Variants in THBS2 observed in about 807,000 individuals in gnomAD.
The protein encoded by THBS2 is thrombospondin-2.
Under a neutral mutation model 135.2 loss-of-function variants are expected in THBS2, and 47 were observed. The observed-to-expected ratio is 0.35, with a 90% CI of 0.28 to 0.44. THBS2 has a LOEUF of 0.44. THBS2 is among the 20% of genes least tolerant of loss of function. The pLI is 1.00. For synonymous variants in THBS2, 639 were observed against 633.8 expected (o/e 1.01, Z -0.12); for missense variants, 1,288 against 1,603.1 (o/e 0.80, Z 3.36).
chr6:169,239,507 C>T (rs1780217085), intron 7 of THBS2, 92 bp downstream of exon 7: 1 of 1,264,420 alleles, frequency 7.9e-7, no homozygotes, highest in Non-Finnish European at 1.1e-6. Context: ...GAACCTCACT[C>T]TTCTCTGCCA....
chr6:169,226,225 C>T lies in THBS2; in HGVS notation c.2493G>A (p.Val831=). 6.2e-7 allele frequency: 1 copy of T among 1,614,178 alleles called. No individual in the cohort carries two copies. The highest frequency in any genetic ancestry group is 8.5e-7 in the Non-Finnish European group (1 of 1,180,010). Reference sequence around the variant, plus strand: ...GGGGGCAGTTGTCACAGTGATCCCCCACACCGTCACCATCCGTGTCCCTCT... The same window carrying T: ...GGGGGCAGTTGTCACAGTGATCCCCTACACCGTCACCATCCGTGTCCCTCT... The part of the protein sequence containing the change: ...TDQRDTDGDG[V]GDHCDNCPLV... Residue 831 remains valine (V), a synonymous_variant, in exon 16 of 22, where the codon GTG becomes GTA. Coordinates refer to ENST00000617924, the MANE Select transcript of THBS2 (RefSeq NM_003247.5).
chr6:169,241,150 G>GC lies in THBS2; in HGVS notation c.892-559dup, dbSNP rs1229103246. 6.6e-6 allele frequency among the ~76,000 whole-genome samples: 1 copy of GC among 151,614 alleles called. No homozygotes were observed. Among genetic ancestry groups the GC allele is most frequent in the Non-Finnish European group, 1.5e-5 (1 of 67,870 alleles). On this transcript the variant is annotated intron_variant, in intron 5 of 21. Transcript: ENST00000617924. The surrounding 1 kb of genome is among the most constrained non-coding windows in gnomAD (Gnocchi z 5.5). ...GCCCTCTGGGTACGAGTGACAGTCA[G>GC]CATCACTGCACCCTGGTTAGCCATG...
At chr6:169,230,250 A>G (rs1448072566) in intron 13 of THBS2, among the ~76,000 whole-genome samples, 1 of 152,204 alleles carries the variant, frequency 6.6e-6, no homozygotes, top group African/African-American at 2.4e-5. Context: ...GTCCAGTTAT[A>G]CCATAATTTA....
intron 6 of THBS2, among the ~76,000 whole-genome samples, 188 bp downstream of exon 6, chr6:169,240,264 A>C (rs1273482375): frequency 6.6e-6 from 1 of 152,110 alleles, no homozygotes; most frequent in Non-Finnish European, 1.5e-5. Flanking sequence ...TTTATGTGCA[A>C]ACAAAGAGGT....
intron 9 of THBS2, 79 bp downstream of exon 9, chr6:169,237,084 CCCCGGAT>C: frequency 6.8e-7 from 1 of 1,469,160 alleles, no homozygotes; most frequent in Non-Finnish European, 9.1e-7. Context: ...GGCCCTGACA[CCCCGGAT>C]CCCGGCTCCA....
rs148981005 is a variant in THBS2, at chr6:169,246,219, C to T, written c.672G>A (p.Lys224=). 4 of 1,613,840 alleles carry T rather than the reference C, an allele frequency of 2.5e-6. No homozygotes were observed. The highest frequency in any genetic ancestry group is 3.4e-6 in the Non-Finnish European group (4 of 1,180,006). The change falls in exon 4 of 22, where the codon AAG becomes AAA. Residue 224 remains lysine (K), a synonymous_variant. Transcript: ENST00000617924. ...TACCTCCCTGGCCTTGCTGGCAACC[C>T]TTCTTGCTTAGAATATCTTCCACAG... ...ENSVEDILSK[K]GCQQGQGAEI...
chr6:169,221,205 C>T (rs1442270710), intron 20 of THBS2, among the ~76,000 whole-genome samples: 1 of 152,138 alleles, frequency 6.6e-6, no homozygotes, highest in Non-Finnish European at 1.5e-5. Flanking sequence ...TGGTTATCAT[C>T]CCAAAACAAA....
chr6:169,235,133 C>T (rs1779988943), intron 9 of THBS2, among the ~76,000 whole-genome samples: 1 of 152,160 alleles, frequency 6.6e-6, no homozygotes, highest in South Asian at 2.1e-4. Flanking sequence ...TTTCCAATGG[C>T]TTTGCTGCGA....
rs1406210471 is a variant in THBS2 at position 169,240,446 on chromosome 6, C to T, written c.1032+6G>A. On this transcript the variant is annotated splice_donor_region_variant and intron_variant, in intron 6 of 21. Coordinates refer to ENST00000617924, the MANE Select transcript of THBS2 (RefSeq NM_003247.5). ...TTCCCCCAAGAGCCGTGTTCTGGGG[C>T]CTCACCTTGCAGGTACACGTGGTGC... The T allele has an allele frequency of 6.2e-7, 1 of 1,612,896 alleles. No individual in the cohort carries two copies. Among genetic ancestry groups the T allele is most frequent in the Non-Finnish European group, 8.5e-7 (1 of 1,179,800 alleles).
intron 4 of THBS2, 60 bp from the exon 5 acceptor site, chr6:169,242,018 T>C (rs920456482): frequency 1.3e-5 from 20 of 1,541,716 alleles, no homozygotes; most frequent in Middle Eastern, 1.8e-4. Flanking sequence ...CAGCAGGGGC[T>C]GGGAACAGAG....
intron 17 of THBS2, 69 bp from the exon 18 acceptor site, chr6:169,223,544 C>T: frequency 7.2e-7 from 1 of 1,396,000 alleles, no homozygotes; most frequent in Non-Finnish European, 1.0e-6. Context: ...GGTGGTTTGC[C>T]ATTTGCTTTT....
chr6:169,237,408 G>A (rs554397627), intron 8 of THBS2, 62 bp from the exon 9 acceptor site: 16 of 1,595,084 alleles, frequency 1.0e-5, no homozygotes, highest in South Asian at 5.5e-5. Context: ...GCCTGTAAGC[G>A]GTGTGCCTTA....
chr6:169,218,935 G>A (rs1779306918), intron 21 of THBS2, among the ~76,000 whole-genome samples: 1 of 149,996 alleles, frequency 6.7e-6, no homozygotes, highest in South Asian at 2.1e-4. Flanking sequence ...GGATGAGTAG[G>A]TGGGTGGATG....
At chr6:169,222,148 A>C in intron 19 of THBS2, 49 bp downstream of exon 19, 1 of 1,538,972 alleles carries the variant, frequency 6.5e-7, no homozygotes, top group Non-Finnish European at 8.7e-7. Context: ...AACACTCTGC[A>C]GCCACAGTGG....
At chr6:169,236,315 C>T (rs1367318345) in intron 9 of THBS2, among the ~76,000 whole-genome samples, 2 of 118,498 alleles carry the variant, frequency 1.7e-5, no homozygotes, top group African/African-American at 6.2e-5. Flanking sequence ...CACTCCCCAT[C>T]CACACTCACT....
Position 169,241,696 on chromosome 6 carries a change from T to C in THBS2, c.891+66A>G. 6.7e-7 allele frequency: 1 copy of C among 1,497,558 alleles called. No individual in the cohort carries two copies. The highest frequency in any genetic ancestry group is 1.4e-5 in the African/African-American group (1 of 72,694). 92.8% of individuals were successfully genotyped at this position (1,497,558 alleles called of 1,614,324 possible). On this transcript the variant is annotated intron_variant, in intron 5 of 21. Coordinates refer to ENST00000617924, the MANE Select transcript of THBS2 (RefSeq NM_003247.5). This position sits in a 1 kb window ranked among gnomAD's most constrained non-coding sequence, Gnocchi z 5.5. ...CAAGCCAGGGAATGTTGATACCTGCTGAGATGGGCCAGCGGCGGAGCTGCC... is the reference window on the plus strand; with the variant it reads ...CAAGCCAGGGAATGTTGATACCTGCCGAGATGGGCCAGCGGCGGAGCTGCC...
Position 169,232,872 on chromosome 6 carries a change from C to G in THBS2, c.1779+18G>C. On this transcript the variant is annotated intron_variant, in intron 11 of 21. Coordinates refer to ENST00000617924, the MANE Select transcript of THBS2 (RefSeq NM_003247.5). The stretch of plus-strand genomic sequence containing the variant: ...TCCCGACCTCAGGGCGCCCACAGCC[C>G]AGGGCGGGGTCACCCACCTCGTCCA... The G allele has an allele frequency of 1.9e-6, 3 of 1,604,390 alleles. No homozygotes were observed. Among genetic ancestry groups the G allele is most frequent in the Non-Finnish European group, 2.6e-6 (3 of 1,174,892 alleles).
chr6:169,247,295 T>A (rs1440636744), intron 3 of THBS2, among the ~76,000 whole-genome samples: 1 of 152,182 alleles, frequency 6.6e-6, no homozygotes, highest in Non-Finnish European at 1.5e-5. Flanking sequence ...TGAGTGCCTG[T>A]GTGAAAGTAC....
In THBS2 at chr6:169,217,640, G is replaced by A. The variant is rs1466817198; in HGVS notation, c.*182C>T. ...TAGATGTTCATCTCTGAGTTCCATT[G>A]ATATTTATCCTCTGAAGGCACTTGG... is the stretch of plus-strand genomic sequence containing the variant. On this transcript the variant is annotated 3_prime_UTR_variant, in exon 22 of 22. Coordinates refer to ENST00000617924, the MANE Select transcript of THBS2 (RefSeq NM_003247.5). The A allele has an allele frequency of 3.5e-6, 2 of 564,982 alleles. No homozygotes were observed. Among genetic ancestry groups the A allele is most frequent in the East Asian group, 6.1e-5 (2 of 32,760 alleles). The allele number at this position is 564,982 out of a possible 1,614,324, so 35.0% of individuals were successfully genotyped here. A position where few individuals can be genotyped will look rare whatever the true frequency, so the allele number is the denominator to read the frequency against.
Sources: gnomAD v4.1 joint callset for allele counts (sites outside exome capture counted in the v4.1 genomes callset) on GRCh38, gnomAD v4.1.1 for gene constraint, Gnocchi (gnomAD v3.1) non-coding constraint, MANE v1.5 for transcripts, NCBI Gene and HGNC (gene_info 2026-07-23, HGNC 2026-07-21) for gene names.